Variants in SH3GLB1 observed in about 807,000 individuals in gnomAD.
SH3GLB1 encodes the protein SH3 domain containing GRB2 like, endophilin B1.
A neutral mutation model predicts 42.0 loss-of-function variants in SH3GLB1; 17 were observed. The observed-to-expected ratio is 0.40, with a 90% CI of 0.28 to 0.61. The LOEUF (loss-of-function observed/expected upper bound fraction) is 0.61, where lower values mean the gene tolerates loss of function less well. Ranked by LOEUF, SH3GLB1 falls within the 20% of genes least tolerant of loss-of-function variation. The pLI is 0.36. For synonymous variants in SH3GLB1, 132 were observed against 146.6 expected, an observed-to-expected ratio of 0.90 and a Z score of 0.72; for missense variants, 355 against 426.3, an observed-to-expected ratio of 0.83 and a Z score of 1.47.
chr1:86,730,128 A>G, intron 5 of SH3GLB1: 1 of 1,588,000 alleles, frequency 6.3e-7, no homozygotes, highest in Non-Finnish European at 8.6e-7. Context: ...AAATTATTAA[A>G]TACAGAACTA....
chr1:86,744,698 A>T lies in SH3GLB1; in HGVS notation c.*1463A>T, dbSNP rs1279385727. 2 of 152,214 alleles carry T rather than the reference A, an allele frequency of 1.3e-5. No individual in the cohort carries two copies. The highest frequency in any genetic ancestry group is 6.5e-5 in the Admixed American group (1 of 15,278). The allele number at this position is 152,214 out of a possible 1,614,324, so 9.4% of individuals were successfully genotyped here. A position where few individuals can be genotyped will look rare whatever the true frequency, so the allele number is the denominator to read the frequency against. On this transcript the variant is annotated 3_prime_UTR_variant, in exon 9 of 9. Coordinates refer to ENST00000370558, the MANE Select transcript of SH3GLB1 (RefSeq NM_016009.5). The stretch of plus-strand genomic sequence containing the variant: ...TAAAATGATACTTTTTGGTACTTTT[A>T]AAAAAATGAATACTTAAACACCGTT...
intron 7 of SH3GLB1, among the ~76,000 whole-genome samples, chr1:86,739,525 T>G (rs1045025174): frequency 5.3e-5 from 8 of 152,110 alleles, no homozygotes; most frequent in African/African-American, 1.9e-4. Context: ...CAAAGTAATG[T>G]TTGTAATATA....
At chr1:86,724,155 G>T (rs1483508132) in intron 4 of SH3GLB1, among the ~76,000 whole-genome samples, 158 bp from the exon 5 acceptor site, 3 of 144,558 alleles carry the variant, frequency 2.1e-5, no homozygotes, top group Non-Finnish European at 3.0e-5. Flanking sequence ...GGGTGGGGGG[G>T]GGCAGATACA....
At chr1:86,735,953 G>C (rs1363006288) in intron 7 of SH3GLB1, among the ~76,000 whole-genome samples, 2 of 152,208 alleles carry the variant, frequency 1.3e-5, no homozygotes, top group Non-Finnish European at 2.9e-5. Context: ...TGTGACTGAG[G>C]TACATCTAGC....
In SH3GLB1 at chr1:86,709,948, A is replaced by C. The variant is rs1160051100; in HGVS notation, c.72+4977A>C. 3.3e-5 allele frequency among the ~76,000 whole-genome samples: 5 copies of C among 152,234 alleles called. No homozygotes were observed. In the East Asian group the frequency reaches 9.6e-4, roughly 29 times the overall value. On this transcript the variant is annotated intron_variant, in intron 1 of 8. Transcript: ENST00000370558. ...CCCTGGAGTTTCAGTTTGGCCAAACAACTCTCTCAAGCACTTCTGAAATCC... is the reference window on the plus strand; with the variant it reads ...CCCTGGAGTTTCAGTTTGGCCAAACCACTCTCTCAAGCACTTCTGAAATCC...
intron 2 of SH3GLB1, among the ~76,000 whole-genome samples, chr1:86,716,559 A>G (rs1213005730): frequency 1.3e-5 from 2 of 152,236 alleles, no homozygotes; most frequent in Admixed American, 6.5e-5. Flanking sequence ...CTGGGATGAC[A>G]GCCATAAGCC....
chr1:86,735,554 A>C (rs1655740887), intron 7 of SH3GLB1, among the ~76,000 whole-genome samples: 1 of 152,200 alleles, frequency 6.6e-6, no homozygotes, highest in African/African-American at 2.4e-5. Context: ...TGTTTACTAT[A>C]TTGAAAAAAA....
At chr1:86,728,410 A>G in intron 5 of SH3GLB1, 1 of 1,555,936 alleles carries the variant, frequency 6.4e-7, no homozygotes, top group Non-Finnish European at 8.7e-7. Flanking sequence ...AAGCAACTAA[A>G]CTCAGCTCGC....
chr1:86,741,431 CTG>C (rs1656054625), intron 7 of SH3GLB1, among the ~76,000 whole-genome samples: 8 of 152,120 alleles, frequency 5.3e-5, no homozygotes, highest in Admixed American at 5.2e-4. Flanking sequence ...TTAAAATAAA[CTG>C]AAAATTCTAA....
At chr1:86,730,017 A>G in intron 5 of SH3GLB1, 1 of 1,389,458 alleles carries the variant, frequency 7.2e-7, no homozygotes, top group South Asian at 1.3e-5. Context: ...ATATTTTTCT[A>G]TACTAAGTTG....
intron 5 of SH3GLB1, among the ~76,000 whole-genome samples, chr1:86,724,884 A>ATATATATATATATATAT (rs1436043734): frequency 1.9e-5 from 2 of 104,300 alleles, no homozygotes; most frequent in African/African-American, 1.0e-4. Context: ...TAAAAAAAAA[A>ATATATATATATATATAT]AAAAAAAAAT....
At chr1:86,713,731 C>T (rs967682915) in intron 1 of SH3GLB1, among the ~76,000 whole-genome samples, 1 of 152,182 alleles carries the variant, frequency 6.6e-6, no homozygotes, top group Admixed American at 6.5e-5. Flanking sequence ...TTCTCCTGCT[C>T]TCCCTCTTCC....
intron 3 of SH3GLB1, among the ~76,000 whole-genome samples, chr1:86,720,429 G>C (rs1444235651): frequency 6.6e-6 from 1 of 152,060 alleles, no homozygotes; most frequent in Admixed American, 6.6e-5. Context: ...TTTCATTTCT[G>C]TTTTTCTCTT....
chr1:86,728,645 T>G (rs902334700), intron 5 of SH3GLB1, among the ~76,000 whole-genome samples: 1 of 152,146 alleles, frequency 6.6e-6, no homozygotes, highest in Non-Finnish European at 1.5e-5. Flanking sequence ...ATACTGGAAC[T>G]TTAAAAGAAA....
intron 5 of SH3GLB1, among the ~76,000 whole-genome samples, chr1:86,726,039 T>C (rs1655177567): frequency 6.6e-6 from 1 of 152,130 alleles, no homozygotes; most frequent in South Asian, 2.1e-4. Flanking sequence ...TTGAATTCTT[T>C]TATTAGTTTC....
chr1:86,726,467 G>C (rs1172937908), intron 5 of SH3GLB1, among the ~76,000 whole-genome samples: 1 of 151,916 alleles, frequency 6.6e-6, no homozygotes, highest in African/African-American at 2.4e-5. Flanking sequence ...ATTTTTCTCT[G>C]CTGCGTATTT....
chr1:86,745,012 G>A lies in SH3GLB1; in HGVS notation c.*1777G>A, dbSNP rs1163519238. On this transcript the variant is annotated 3_prime_UTR_variant, in exon 9 of 9. Coordinates refer to ENST00000370558, the MANE Select transcript of SH3GLB1 (RefSeq NM_016009.5). Reference sequence around the variant, plus strand: ...TCTACAGCCTAGAGTACCATCTATTGTGTTTTATAAGTCCAGATTTAGGCT... The same window carrying A: ...TCTACAGCCTAGAGTACCATCTATTATGTTTTATAAGTCCAGATTTAGGCT... 6.6e-6 allele frequency: 1 copy of A among 152,138 alleles called. No individual in the cohort carries two copies. The highest frequency in any genetic ancestry group is 2.4e-5 in the African/African-American group (1 of 41,412). The allele number at this position is 152,138 out of a possible 1,614,324, so 9.4% of individuals were successfully genotyped here. A position where few individuals can be genotyped will look rare whatever the true frequency, so the allele number is the denominator to read the frequency against.
At chr1:86,708,421 C>T (rs943830111) in intron 1 of SH3GLB1, among the ~76,000 whole-genome samples, 6 of 152,164 alleles carry the variant, frequency 3.9e-5, no homozygotes, top group Non-Finnish European at 1.5e-5. Context: ...GGTTGGCCAA[C>T]GCCATACATT....
chr1:86,737,434 C>T (rs968154643), intron 7 of SH3GLB1, among the ~76,000 whole-genome samples: 1 of 152,120 alleles, frequency 6.6e-6, no homozygotes, highest in Non-Finnish European at 1.5e-5. Context: ...TGTGTATATA[C>T]ATATTCATAT....
Sources: gnomAD v4.1 joint callset for allele counts (sites outside exome capture counted in the v4.1 genomes callset) on GRCh38, gnomAD v4.1.1 for gene constraint, MANE v1.5 for transcripts, NCBI Gene and HGNC (gene_info 2026-07-23, HGNC 2026-07-21) for gene names.